The following BBX variants were observed in gnomAD, a reference collection of about 807,000 sequenced individuals.
The protein encoded by BBX is BBX high mobility group box domain containing, also known as HMG box transcription factor BBX.
A neutral mutation model predicts 100.2 loss-of-function variants in BBX; 30 were observed. That is an observed-to-expected ratio of 0.30 (90% CI 0.22 to 0.41). The LOEUF (loss-of-function observed/expected upper bound fraction) is 0.41, where lower values mean the gene tolerates loss of function less well. Among genes scored for constraint, BBX ranks in the 10% least tolerant of loss-of-function variants. The pLI is 1.00. For missense variants in BBX, 1,023 were observed against 1,129.8 expected (o/e 0.91, Z 1.35); for synonymous variants, 376 against 388.1 (o/e 0.97, Z 0.37).
chr3:107,805,651 G>C lies in BBX; in HGVS notation c.*194G>C. ...TGTTCTCTCAGAACCCAGAATCTTT[G>C]AGGGTAAGGTTATCTGTCTGATACT... is the stretch of plus-strand genomic sequence containing the variant. On this transcript the variant is annotated 3_prime_UTR_variant, in exon 18 of 18. Coordinates refer to ENST00000325805, the MANE Select transcript of BBX (RefSeq NM_001142568.3). The C allele has an allele frequency of 1.9e-6, 2 of 1,042,390 alleles. No individual in the cohort carries two copies. Among genetic ancestry groups the C allele is most frequent in the Non-Finnish European group, 2.7e-6 (2 of 730,168 alleles). 64.6% of individuals were successfully genotyped at this position (1,042,390 alleles called of 1,614,324 possible).
At chr3:107,743,566 G>T (rs1163180065) in intron 7 of BBX, among the ~76,000 whole-genome samples, 2 of 152,200 alleles carry the variant, frequency 1.3e-5, no homozygotes, top group Non-Finnish European at 2.9e-5. Context: ...AATTTCAAAT[G>T]TTTGCTCCTG....
intron 7 of BBX, among the ~76,000 whole-genome samples, chr3:107,740,111 G>C (rs866560385): frequency 1.8e-4 from 27 of 151,894 alleles, no homozygotes; most frequent in African/African-American, 6.0e-4. Context: ...GGTGCTGTTG[G>C]GTTATGCCCC....
chr3:107,773,410 C>A lies in BBX; in HGVS notation c.1689C>A (p.Asn563Lys). The stretch of plus-strand genomic sequence containing the variant: ...TCATTAGTATTTCTGCTAGCAAGAA[C>A]ATTTCTGGTGAGACACCAGAGGGTA... Reference protein sequence around the residue: ...PDFISISASKNISGETPEGIK... With the variant: ...PDFISISASKKISGETPEGIK... The change falls in exon 11 of 18, where the codon AAC becomes AAA. Residue 563 changes from asparagine to lysine, a missense_variant. Coordinates refer to ENST00000325805, the MANE Select transcript of BBX (RefSeq NM_001142568.3). This position sits in a 1 kb window ranked among gnomAD's most constrained non-coding sequence, Gnocchi z 4.1. 6.2e-7 allele frequency: 1 copy of A among 1,614,102 alleles called. No homozygotes were observed. The highest frequency in any genetic ancestry group is 1.3e-5 in the African/African-American group (1 of 75,052).
intron 2 of BBX, among the ~76,000 whole-genome samples, chr3:107,599,008 G>A (rs568633575): frequency 1.3e-5 from 2 of 152,204 alleles, no homozygotes; most frequent in South Asian, 2.1e-4. Context: ...GATATTAACA[G>A]GTCAGAGTAG....
intron 3 of BBX, among the ~76,000 whole-genome samples, chr3:107,705,556 G>T (rs2061343874): frequency 6.6e-6 from 1 of 152,152 alleles, no homozygotes; most frequent in South Asian, 2.1e-4. Context: ...CAGTTTCTGA[G>T]GCTGCAGATT....
intron 4 of BBX, chr3:107,716,377 G>A (rs2062103245): frequency 5.7e-6 from 3 of 528,460 alleles, no homozygotes; most frequent in Non-Finnish European, 1.0e-5. Flanking sequence ...AATATATGCT[G>A]TAATAGAGAC....
intron 3 of BBX, among the ~76,000 whole-genome samples, chr3:107,663,219 G>A (rs1006964104): frequency 2.6e-5 from 4 of 152,084 alleles, no homozygotes; most frequent in African/African-American, 7.2e-5. Flanking sequence ...TTATTAACTT[G>A]AGAAATAAGT....
At chr3:107,804,483 A>G (rs1029540590) in intron 17 of BBX, among the ~76,000 whole-genome samples, 2 of 152,226 alleles carry the variant, frequency 1.3e-5, no homozygotes, top group South Asian at 2.1e-4. Context: ...ACCCAGTCCT[A>G]TCTTTTTAGA....
intron 13 of BBX, among the ~76,000 whole-genome samples, chr3:107,779,656 C>T (rs1470515469): frequency 6.6e-6 from 1 of 151,988 alleles, no homozygotes; most frequent in Non-Finnish European, 1.5e-5. Flanking sequence ...ACCAATTAAT[C>T]GATCAGATAT....
intron 10 of BBX, among the ~76,000 whole-genome samples, chr3:107,762,304 AT>A (rs2065961033): frequency 6.6e-6 from 1 of 152,210 alleles, no homozygotes; most frequent in Admixed American, 6.5e-5. Context: ...GTAAAGAAAA[AT>A]ATTTAAATCA....
chr3:107,630,238 G>A (rs957544926), intron 2 of BBX, among the ~76,000 whole-genome samples: 2 of 152,146 alleles, frequency 1.3e-5, no homozygotes, highest in African/African-American at 4.8e-5. Context: ...ATATTTTAAA[G>A]TGTCTCCTGT....
intron 10 of BBX, among the ~76,000 whole-genome samples, chr3:107,760,514 G>A (rs1240902659): frequency 6.6e-6 from 1 of 152,228 alleles, no homozygotes; most frequent in East Asian, 1.9e-4. Flanking sequence ...TCCTCAAGGA[G>A]CTTATTCTCT....
At chr3:107,693,212 A>C (rs1373212072) in intron 3 of BBX, among the ~76,000 whole-genome samples, 2 of 151,332 alleles carry the variant, frequency 1.3e-5, no homozygotes, top group African/African-American at 4.9e-5. Context: ...ATTAGATCCC[A>C]TTTGACAATT....
intron 3 of BBX, among the ~76,000 whole-genome samples, chr3:107,690,554 G>T (rs1221000139): frequency 1.3e-5 from 2 of 152,150 alleles, no homozygotes; most frequent in East Asian, 3.8e-4. Flanking sequence ...CCTAAAATCA[G>T]CAAACACAAT....
At position 107,526,065 on chromosome 3, in the gene BBX, G is replaced by T. The variant is rs550024672; in HGVS notation, c.-155-262G>T. On this transcript the variant is annotated intron_variant, in intron 1 of 17. Transcript: ENST00000325805. ...ACTTTCTGCTTTGTACATGTGGGGAGTAGGAAGCGAGGGTACGGGAGATAC... is the reference window on the plus strand; with the variant it reads ...ACTTTCTGCTTTGTACATGTGGGGATTAGGAAGCGAGGGTACGGGAGATAC... Among the ~76,000 whole-genome samples the T allele has an allele frequency of 2.6e-5, 4 of 152,312 alleles. No individual in the cohort carries two copies. The East Asian group carries it at 7.7e-4, about 29-fold the overall frequency.
intron 2 of BBX, among the ~76,000 whole-genome samples, chr3:107,625,681 T>C (rs1301067926): frequency 6.6e-6 from 1 of 152,206 alleles, no homozygotes; most frequent in Admixed American, 6.5e-5. Flanking sequence ...TTTTCTTTGT[T>C]AAAATTCTTA....
chr3:107,713,000 AG>A (rs1194199000), intron 4 of BBX, among the ~76,000 whole-genome samples: 1 of 152,222 alleles, frequency 6.6e-6, no homozygotes, highest in African/African-American at 2.4e-5. Context: ...CTGCAGACAT[AG>A]GTATCCACAC....
intron 2 of BBX, among the ~76,000 whole-genome samples, chr3:107,581,249 T>C (rs2052256222): frequency 2.0e-5 from 3 of 152,062 alleles, no homozygotes; most frequent in South Asian, 2.1e-4. Flanking sequence ...TATACACTTA[T>C]ATATATATTA....
intron 2 of BBX, among the ~76,000 whole-genome samples, chr3:107,643,266 G>A (rs1576143032): frequency 6.6e-6 from 1 of 152,134 alleles, no homozygotes; most frequent in Non-Finnish European, 1.5e-5. Context: ...GGTGGTTTAG[G>A]CCACATCTGT....
Sources: allele counts gnomAD v4.1 joint callset (sites outside exome capture counted in the v4.1 genomes callset), GRCh38; gene constraint gnomAD v4.1.1; non-coding constraint Gnocchi (gnomAD v3.1); transcripts MANE v1.5; gene names NCBI Gene and HGNC (gene_info 2026-07-23, HGNC 2026-07-21).